The following RHOBTB1 variants were observed in gnomAD, a reference collection of about 807,000 sequenced individuals.
RHOBTB1 encodes the protein Rho related BTB domain containing 1.
A neutral mutation model predicts 71.6 loss-of-function variants in RHOBTB1; 40 were observed. The observed-to-expected ratio is 0.56, with a 90% CI of 0.43 to 0.73. The LOEUF (loss-of-function observed/expected upper bound fraction) is 0.73. RHOBTB1 is among the 30% of genes least tolerant of loss of function. The pLI, the probability that RHOBTB1 is intolerant of heterozygous loss-of-function variation, is 0.00. For synonymous variants in RHOBTB1, 319 were observed against 334.9 expected (o/e 0.95, Z 0.52); for missense variants, 797 against 894.0 (o/e 0.89, Z 1.38).
Position 60,877,907 on chromosome 10 carries a change from C to T in RHOBTB1, c.1726+1G>A. 6.2e-7 allele frequency: 1 copy of T among 1,613,036 alleles called. No individual in the cohort carries two copies. The highest frequency in any genetic ancestry group is 8.5e-7 in the Non-Finnish European group (1 of 1,179,524). On this transcript the variant is annotated splice_donor_variant, in intron 8 of 10. Transcript: ENST00000337910. LOFTEE classifies it high-confidence loss of function. ...GCATGGCCCTGAGTCATCATCCTTA[C>T]CTGCAAGTGCAACCAAGTGTGGCAG...
At chr10:60,918,359 C>T (rs1470737393) in intron 2 of RHOBTB1, among the ~76,000 whole-genome samples, 3 of 152,136 alleles carry the variant, frequency 2.0e-5, no homozygotes, top group Non-Finnish European at 1.5e-5. Flanking sequence ...GCCTTGATGA[C>T]CTTCATGGTG....
At chr10:60,872,386 G>A (rs1364101068) in intron 9 of RHOBTB1, 96 bp from the exon 10 acceptor site, 1 of 850,014 alleles carries the variant, frequency 1.2e-6, no homozygotes, top group African/African-American at 1.7e-5. Context: ...AAGAAATGAA[G>A]GGCTTATATA....
chr10:60,897,536 A>G (rs534593372), intron 4 of RHOBTB1, among the ~76,000 whole-genome samples: 11 of 152,120 alleles, frequency 7.2e-5, no homozygotes, highest in Non-Finnish European at 1.6e-4. Flanking sequence ...TAGAAGCTTC[A>G]GATCAGGTAA....
At chr10:60,919,794 C>T (rs2083458134) in intron 2 of RHOBTB1, among the ~76,000 whole-genome samples, 1 of 152,224 alleles carries the variant, frequency 6.6e-6, no homozygotes, top group Non-Finnish European at 1.5e-5. Context: ...TGGAGACCCA[C>T]AGAAGATCGT....
chr10:60,992,947 T>C (rs1373250907), intron 1 of RHOBTB1, among the ~76,000 whole-genome samples: 1 of 152,146 alleles, frequency 6.6e-6, no homozygotes, highest in Admixed American at 6.5e-5. Context: ...AAAGAAATCG[T>C]AGAAGTCCCA....
chr10:60,897,116 CA>C (rs1199025611), intron 4 of RHOBTB1, among the ~76,000 whole-genome samples: 4 of 151,838 alleles, frequency 2.6e-5, no homozygotes, highest in African/African-American at 4.8e-5. Context: ...AAAAAAAATC[CA>C]AAAAAAGTGC....
At chr10:60,970,744 T>C (rs752480138) in intron 2 of RHOBTB1, among the ~76,000 whole-genome samples, 7 of 152,056 alleles carry the variant, frequency 4.6e-5, no homozygotes, top group Non-Finnish European at 8.8e-5. Flanking sequence ...ACTTCACATT[T>C]ATATTTTTGT....
intron 7 of RHOBTB1, among the ~76,000 whole-genome samples, chr10:60,882,451 A>C (rs1028833709): frequency 2.6e-5 from 4 of 152,230 alleles, no homozygotes; most frequent in Admixed American, 6.5e-5. Context: ...GCTTACTGCT[A>C]CATTAAAAGT....
At chr10:60,957,229 T>C (rs1490525117) in intron 2 of RHOBTB1, among the ~76,000 whole-genome samples, 2 of 152,270 alleles carry the variant, frequency 1.3e-5, no homozygotes, top group South Asian at 2.1e-4. Context: ...TAACCAGTAA[T>C]AGAGTCCCTT....
chr10:60,894,268 A>C (rs2082059397), intron 4 of RHOBTB1, among the ~76,000 whole-genome samples: 1 of 152,168 alleles, frequency 6.6e-6, no homozygotes, highest in Non-Finnish European at 1.5e-5. Flanking sequence ...TATCCAAGAA[A>C]AGCTGCACCA....
At chr10:60,975,123 T>C (rs987046790) in intron 2 of RHOBTB1, among the ~76,000 whole-genome samples, 3 of 152,078 alleles carry the variant, frequency 2.0e-5, no homozygotes, top group Non-Finnish European at 4.4e-5. Flanking sequence ...TATTGACTGA[T>C]TGCTGTATTT....
Position 60,892,790 on chromosome 10 carries a change from C to T in RHOBTB1, c.482+20G>A, listed in dbSNP as rs1372723631. The stretch of plus-strand genomic sequence containing the variant: ...TTTTAACTTGGTCAGGACAGGGAAA[C>T]ACTGAGTCCCTTGGCTTACCTTGCT... On this transcript the variant is annotated intron_variant, in intron 5 of 10. Coordinates refer to ENST00000337910, the MANE Select transcript of RHOBTB1 (RefSeq NM_014836.5). The T allele has an allele frequency of 6.2e-7, 1 of 1,603,796 alleles. No individual in the cohort carries two copies.
At chr10:60,925,707 A>C (rs1341874194) in intron 2 of RHOBTB1, among the ~76,000 whole-genome samples, 2 of 152,184 alleles carry the variant, frequency 1.3e-5, no homozygotes, top group East Asian at 3.8e-4. Flanking sequence ...AATAAATAAA[A>C]TCACATATAA....
At chr10:60,901,219 T>C (rs1420970370) in intron 4 of RHOBTB1, among the ~76,000 whole-genome samples, 1 of 152,186 alleles carries the variant, frequency 6.6e-6, no homozygotes, top group East Asian at 1.9e-4. Context: ...TCCTTCTGAC[T>C]TATTCTCTCT....
chr10:60,863,681 T>C, the RHOBTB1 span, among the ~76,000 whole-genome samples: 5 of 152,200 alleles, frequency 3.3e-5, no homozygotes, highest in East Asian at 5.8e-4. Context: ...TACAGGTGCC[T>C]GCCACCATGC....
At chr10:60,915,355 A>G (rs921820147) in intron 2 of RHOBTB1, among the ~76,000 whole-genome samples, 1 of 152,118 alleles carries the variant, frequency 6.6e-6, no homozygotes, top group African/African-American at 2.4e-5. Context: ...TAACACTATT[A>G]ATAAATGTCA....
intron 2 of RHOBTB1, among the ~76,000 whole-genome samples, chr10:60,935,121 T>C (rs1007502782): frequency 1.3e-5 from 2 of 152,138 alleles, no homozygotes; most frequent in Non-Finnish European, 2.9e-5. Context: ...AATAATAAAT[T>C]GAGGACTATT....
intron 2 of RHOBTB1, among the ~76,000 whole-genome samples, chr10:60,966,508 TAAAA>T: frequency 7.0e-6 from 1 of 142,376 alleles, no homozygotes; most frequent in Middle Eastern, 3.7e-3. Flanking sequence ...TATCTCTAAT[TAAAA>T]AAAAAAAAAG....
intron 1 of RHOBTB1, among the ~76,000 whole-genome samples, chr10:60,942,525 T>C (rs1217690655): frequency 6.6e-6 from 1 of 152,238 alleles, no homozygotes; most frequent in Non-Finnish European, 1.5e-5. Flanking sequence ...TTCCCATTAA[T>C]ATGTCCAAAT....
Sources: allele counts gnomAD v4.1 joint callset (sites outside exome capture counted in the v4.1 genomes callset), GRCh38; gene constraint gnomAD v4.1.1; transcripts MANE v1.5; gene names NCBI Gene and HGNC (gene_info 2026-07-23, HGNC 2026-07-21).